The following CSNK1G1 variants were observed in gnomAD, a reference collection of about 807,000 sequenced individuals.
The protein encoded by CSNK1G1 is casein kinase I isoform gamma-1.
A neutral mutation model predicts 59.6 loss-of-function variants in CSNK1G1; 22 were observed. The ratio of observed to expected loss-of-function variants is 0.37; its 90% CI spans 0.26 to 0.53. CSNK1G1 has a LOEUF of 0.53. Among genes scored for constraint, CSNK1G1 ranks in the 20% least tolerant of loss-of-function variants. CSNK1G1 has a pLI of 0.89. For synonymous variants in CSNK1G1, 179 were observed against 177.1 expected (o/e 1.01, Z -0.08); for missense variants, 384 against 519.5 (o/e 0.74, Z 2.54).
intron 4 of CSNK1G1, among the ~76,000 whole-genome samples, chr15:64,231,653 T>C (rs1034347813): frequency 6.6e-6 from 1 of 152,004 alleles, no homozygotes; most frequent in Non-Finnish European, 1.5e-5. Context: ...TCCATTTTTA[T>C]ATGTTCAAAT....
rs563653600 is a variant in CSNK1G1, at chr15:64,338,655, G to A, written c.-225+17333C>T. ...GTGCAGGTTGTGGTGAGCTGAGATC[G>A]TGCCACTGCACTCCAGCCTGGGCAA... On this transcript the variant is annotated intron_variant, in intron 1 of 11. Coordinates refer to ENST00000303052, the MANE Select transcript of CSNK1G1 (RefSeq NM_022048.5). 1.9e-3 allele frequency among the ~76,000 whole-genome samples: 246 copies of A among 129,860 alleles called. 1 individual carries two copies. Among genetic ancestry groups the A allele is most frequent in the African/African-American group, 6.6e-3 (228 of 34,362 alleles). 85.2% of individuals were successfully genotyped at this position (129,860 alleles called of 152,430 possible).
At chr15:64,302,701 C>T (rs1009361763) in intron 1 of CSNK1G1, among the ~76,000 whole-genome samples, 6 of 152,088 alleles carry the variant, frequency 3.9e-5, no homozygotes, top group African/African-American at 9.7e-5. Context: ...TATGTCTATA[C>T]GTGAGACTGT....
rs1051635779 is a variant in CSNK1G1, at chr15:64,210,714, G to A, written c.680-3120C>T. ...ATATAAATTGGGCTTCTCAGTAAAA[G>A]CTTAATCAGTGGGAAGGTGGCTACT... On this transcript the variant is annotated intron_variant, in intron 6 of 11. Transcript: ENST00000303052. This position sits in a 1 kb window ranked among gnomAD's most constrained non-coding sequence, Gnocchi z 4.2. Among the ~76,000 whole-genome samples, 1 of 152,134 alleles carries A rather than the reference G, an allele frequency of 6.6e-6. No homozygotes were observed. Among genetic ancestry groups the A allele is most frequent in the African/African-American group, 2.4e-5 (1 of 41,416 alleles).
At chr15:64,348,476 A>G (rs1280604228) in intron 1 of CSNK1G1, 2 of 151,996 alleles carry the variant, frequency 1.3e-5, no homozygotes, top group Non-Finnish European at 2.9e-5. Flanking sequence ...AAAGTATTCA[A>G]AAAAAAATTA....
chr15:64,303,701 G>T (rs899237539), intron 1 of CSNK1G1, among the ~76,000 whole-genome samples: 6 of 149,454 alleles, frequency 4.0e-5, no homozygotes, highest in Non-Finnish European at 8.9e-5. Context: ...AGTGAGCCGA[G>T]ATCATGCCAT....
chr15:64,246,618 G>C (rs1190145105), intron 4 of CSNK1G1, among the ~76,000 whole-genome samples: 2 of 100,986 alleles, frequency 2.0e-5, no homozygotes, highest in Non-Finnish European at 3.6e-5. Flanking sequence ...GCAAGAGTCC[G>C]TCTCTTTAAA....
chr15:64,318,942 T>C (rs1021041298), intron 1 of CSNK1G1, among the ~76,000 whole-genome samples: 1 of 151,740 alleles, frequency 6.6e-6, no homozygotes, highest in Non-Finnish European at 1.5e-5. Flanking sequence ...AACCTCTACT[T>C]CCCAGGCTCA....
intron 1 of CSNK1G1, among the ~76,000 whole-genome samples, chr15:64,325,388 G>A: frequency 6.6e-6 from 1 of 152,120 alleles, no homozygotes; most frequent in South Asian, 2.1e-4. Flanking sequence ...ATTGGAGAAG[G>A]TATACAGGTG....
At chr15:64,311,811 T>C (rs1357851226) in intron 1 of CSNK1G1, among the ~76,000 whole-genome samples, 1 of 150,520 alleles carries the variant, frequency 6.6e-6, no homozygotes, top group Non-Finnish European at 1.5e-5. Context: ...ACCTGGGAGG[T>C]GGTGCTTGCA....
At chr15:64,279,997 CAAATA>C (rs1431948686) in intron 2 of CSNK1G1, among the ~76,000 whole-genome samples, 1 of 148,384 alleles carries the variant, frequency 6.7e-6, no homozygotes, top group Non-Finnish European at 1.5e-5. Flanking sequence ...AAAACAGAAA[CAAATA>C]AAATATCCAT....
rs563826363 is a variant in CSNK1G1, at chr15:64,168,109, G to C, written c.*3822C>G. The stretch of plus-strand genomic sequence containing the variant: ...ACAGGGACTGTTTTCTAAGTACTTG[G>C]AGTTCATTTAGAAAAAAGAGACAAT... On this transcript the variant is annotated 3_prime_UTR_variant, in exon 12 of 12. Coordinates refer to ENST00000303052, the MANE Select transcript of CSNK1G1 (RefSeq NM_022048.5). 6.5e-6 allele frequency: 1 copy of C among 152,694 alleles called. No homozygotes were observed. The highest frequency in any genetic ancestry group is 2.4e-5 in the African/African-American group (1 of 41,556). 9.5% of individuals were successfully genotyped at this position (152,694 alleles called of 1,614,324 possible). A position where few individuals can be genotyped will look rare whatever the true frequency, so the allele number is the denominator to read the frequency against.
At chr15:64,225,906 C>T (rs1434391549) in intron 4 of CSNK1G1, among the ~76,000 whole-genome samples, 2 of 152,284 alleles carry the variant, frequency 1.3e-5, no homozygotes, top group South Asian at 2.1e-4. Context: ...GGATTACAGG[C>T]GTGAGACACT....
chr15:64,341,434 G>A lies in CSNK1G1; in HGVS notation c.-225+14554C>T, dbSNP rs541913245. On this transcript the variant is annotated intron_variant, in intron 1 of 11. Coordinates refer to ENST00000303052, the MANE Select transcript of CSNK1G1 (RefSeq NM_022048.5). The stretch of plus-strand genomic sequence containing the variant: ...AATACAGGCGTGAGCCACAGTGCCC[G>A]GCCTGAAATATTTATTAAACTGTCA... 1.7e-3 allele frequency among the ~76,000 whole-genome samples: 259 copies of A among 151,958 alleles called. 1 individual carries two copies. The highest frequency in any genetic ancestry group is 2.3e-3 in the Non-Finnish European group (154 of 68,014).
At chr15:64,313,887 T>G (rs1319941773) in intron 1 of CSNK1G1, among the ~76,000 whole-genome samples, 1 of 141,350 alleles carries the variant, frequency 7.1e-6, no homozygotes, top group Admixed American at 7.1e-5. Flanking sequence ...AAAAAATTAA[T>G]AAATAACTAT....
rs1384254791 is a variant in CSNK1G1, at chr15:64,339,584, A to T, written c.-225+16404T>A. ...CGCCTCGGCCTCCCAAAGTGCTGGG[A>T]TTACAGACATGAGCCCAGCCAGCAA... On this transcript the variant is annotated intron_variant, in intron 1 of 11. Coordinates refer to ENST00000303052, the MANE Select transcript of CSNK1G1 (RefSeq NM_022048.5). Among the ~76,000 whole-genome samples, 4 of 152,324 alleles carry T rather than the reference A, an allele frequency of 2.6e-5. No individual in the cohort carries two copies. The South Asian group carries it at 6.2e-4, about 24-fold the overall frequency.
At chr15:64,325,167 CA>C (rs1896777685) in intron 1 of CSNK1G1, among the ~76,000 whole-genome samples, 1 of 152,182 alleles carries the variant, frequency 6.6e-6, no homozygotes, top group African/African-American at 2.4e-5. Flanking sequence ...TACAGCTACA[CA>C]GTAATAGAAG....
At chr15:64,202,090 A>G (rs2082116623) in intron 10 of CSNK1G1, among the ~76,000 whole-genome samples, 2 of 152,120 alleles carry the variant, frequency 1.3e-5, no homozygotes, top group African/African-American at 4.8e-5. Flanking sequence ...AGGCTGAGAG[A>G]TGTCCCTCAC....
At chr15:64,325,651 A>G (rs1019160400) in intron 1 of CSNK1G1, among the ~76,000 whole-genome samples, 4 of 152,162 alleles carry the variant, frequency 2.6e-5, no homozygotes, top group African/African-American at 9.7e-5. Flanking sequence ...GCCTTAAATC[A>G]CATCTCTAAA....
intron 9 of CSNK1G1, among the ~76,000 whole-genome samples, chr15:64,204,004 G>T (rs1012099574): frequency 6.6e-6 from 1 of 151,836 alleles, no homozygotes; most frequent in Admixed American, 6.6e-5. Context: ...TTAGCCGGGC[G>T]TGGTGGTGTG....
Sources: gnomAD v4.1 joint callset for allele counts (sites outside exome capture counted in the v4.1 genomes callset) on GRCh38, gnomAD v4.1.1 for gene constraint, Gnocchi (gnomAD v3.1) non-coding constraint, MANE v1.5 for transcripts, NCBI Gene and HGNC (gene_info 2026-07-23, HGNC 2026-07-21) for gene names.